MTFR1: variants seen among roughly 807,000 people sequenced by gnomAD.
MTFR1 encodes the protein chondrocyte protein with a poly-proline region.
In MTFR1, 28 loss-of-function variants were observed where a neutral mutation model predicts 38.8. The ratio of observed to expected loss-of-function variants is 0.72; its 90% CI spans 0.53 to 0.99. MTFR1 has a LOEUF of 0.99. Among genes scored for constraint, MTFR1 ranks in the 50% least tolerant of loss-of-function variants. MTFR1 has a pLI of 0.00. For synonymous variants in MTFR1, 145 were observed against 137.0 expected (o/e 1.06, Z -0.41); for missense variants, 358 against 395.5 (o/e 0.91, Z 0.81).
At chr8:65,659,078 A>G (rs1283926773) in intron 1 of MTFR1, among the ~76,000 whole-genome samples, 7 of 152,160 alleles carry the variant, frequency 4.6e-5, no homozygotes, top group Admixed American at 3.3e-4. Flanking sequence ...TTTATAGACA[A>G]ACAAGTACCA....
chr8:65,682,854 T>G (rs1312550512), intron 3 of MTFR1: 1 of 985,220 alleles, frequency 1.0e-6, no homozygotes, highest in Non-Finnish European at 1.2e-6. Flanking sequence ...TCTCTGTGGA[T>G]GCCATATAAG....
At chr8:65,729,675 T>C (rs1409800204) in intron 3 of MTFR1, among the ~76,000 whole-genome samples, 1 of 151,718 alleles carries the variant, frequency 6.6e-6, no homozygotes, top group East Asian at 1.9e-4. Context: ...TCGATTCTCT[T>C]ACTCAGGCTC....
chr8:65,685,894 A>G (rs551171270), intron 3 of MTFR1, among the ~76,000 whole-genome samples: 80 of 152,152 alleles, frequency 5.3e-4, no homozygotes, highest in Non-Finnish European at 9.6e-4. Flanking sequence ...AGCCTGCTCT[A>G]CAGGGTTGAG....
chr8:65,733,850 G>C (rs1031128861), intron 3 of MTFR1, among the ~76,000 whole-genome samples: 35 of 152,132 alleles, frequency 2.3e-4, no homozygotes, highest in African/African-American at 8.2e-4. Context: ...AAGCCAGTTT[G>C]GTCATCCTGT....
chr8:65,647,233 G>C (rs1808984875), intron 1 of MTFR1, among the ~76,000 whole-genome samples: 1 of 152,212 alleles, frequency 6.6e-6, no homozygotes. Context: ...CAAATTTATG[G>C]ATATGAGGAA....
intron 1 of MTFR1, among the ~76,000 whole-genome samples, chr8:65,662,832 C>G (rs1809480120): frequency 1.3e-5 from 2 of 151,348 alleles, no homozygotes; most frequent in African/African-American, 4.9e-5. Context: ...CCCCGCCCGG[C>G]CATCCACCTC....
intron 3 of MTFR1, among the ~76,000 whole-genome samples, chr8:65,683,098 A>C (rs914501966): frequency 7.9e-6 from 1 of 125,818 alleles, no homozygotes; most frequent in African/African-American, 3.0e-5. Context: ...AGATATTGCT[A>C]TTTTCCTTGA....
chr8:65,744,773 G>A (rs1006127759), intron 3 of MTFR1, among the ~76,000 whole-genome samples: 8 of 152,084 alleles, frequency 5.3e-5, no homozygotes, highest in African/African-American at 1.2e-4. Flanking sequence ...TAATAGCAGC[G>A]GCAATTGCCA....
At position 65,752,400 on chromosome 8, in the gene MTFR1, G is replaced by A. The variant is rs145755578; in HGVS notation, c.*49-18547G>A. Among the ~76,000 whole-genome samples, 259 of 152,156 alleles carry A rather than the reference G, an allele frequency of 1.7e-3. 1 individual carries two copies. The highest frequency in any genetic ancestry group is 5.4e-3 in the African/African-American group (226 of 41,540). On this transcript the variant is annotated intron_variant, in intron 3 of 3. Coordinates refer to the MTFR1 transcript ENST00000521247. ...TATATTTCACTCATAATATATTATT[G>A]AATGTTCAAATTTTTTTTCAGTAGT... is the stretch of plus-strand genomic sequence containing the variant.
chr8:65,708,610 A>G (rs1805854201), intron 7 of MTFR1, among the ~76,000 whole-genome samples: 2 of 152,180 alleles, frequency 1.3e-5, no homozygotes, highest in Non-Finnish European at 2.9e-5. Context: ...GTGCTAATCT[A>G]TTCCAGAGAG....
At chr8:65,767,247 A>C (rs1184487299) in intron 3 of MTFR1, among the ~76,000 whole-genome samples, 1 of 152,218 alleles carries the variant, frequency 6.6e-6, no homozygotes, top group African/African-American at 2.4e-5. Flanking sequence ...TTACGTAAAT[A>C]AATCATCAAT....
At chr8:65,652,883 T>G (rs1809159038) in intron 1 of MTFR1, among the ~76,000 whole-genome samples, 1 of 152,224 alleles carries the variant, frequency 6.6e-6, no homozygotes, top group African/African-American at 2.4e-5. Context: ...TAGCTAGGAC[T>G]TTTTACTATG....
At chr8:65,752,325 C>T (rs1808007811) in intron 3 of MTFR1, among the ~76,000 whole-genome samples, 1 of 152,176 alleles carries the variant, frequency 6.6e-6, no homozygotes, top group Non-Finnish European at 1.5e-5. Flanking sequence ...TGTGTTCATA[C>T]TCTAGTAGTA....
intron 3 of MTFR1, among the ~76,000 whole-genome samples, chr8:65,720,849 GCCACCC>G: frequency 6.6e-6 from 1 of 152,326 alleles, no homozygotes; most frequent in Admixed American, 6.5e-5. Context: ...TGTTGAGCCA[GCCACCC>G]AAAGCCCTGT....
intron 3 of MTFR1, among the ~76,000 whole-genome samples, chr8:65,770,028 A>G (rs1410195118): frequency 6.6e-6 from 1 of 152,224 alleles, no homozygotes; most frequent in Non-Finnish European, 1.5e-5. Flanking sequence ...ATTTCAAAAC[A>G]CATACAAAAA....
chr8:65,724,222 A>G (rs1457781214), intron 3 of MTFR1: 1 of 1,334,672 alleles, frequency 7.5e-7, no homozygotes. Flanking sequence ...AATGAACTGG[A>G]TAGATTAATT....
chr8:65,723,419 T>TAA (rs1806474224), intron 3 of MTFR1: 1 of 991,868 alleles, frequency 1.0e-6, no homozygotes, highest in Non-Finnish European at 1.3e-6. Context: ...TAAAATTTCT[T>TAA]AAATTATTTT....
At chr8:65,739,353 A>G in intron 3 of MTFR1, 2 of 879,516 alleles carry the variant, frequency 2.3e-6, no homozygotes, top group Non-Finnish European at 1.6e-6. Context: ...CACAGATGCA[A>G]GAGCTAAATA....
intron 3 of MTFR1, among the ~76,000 whole-genome samples, chr8:65,740,503 C>T (rs370496735): frequency 7.9e-5 from 12 of 152,054 alleles, no homozygotes; most frequent in East Asian, 3.9e-4. Flanking sequence ...TGAGTTCAAG[C>T]GATTCTCCTG....
Sources: allele counts gnomAD v4.1 joint callset (sites outside exome capture counted in the v4.1 genomes callset), GRCh38; gene constraint gnomAD v4.1.1; transcripts MANE v1.5; gene names NCBI Gene and HGNC (gene_info 2026-07-23, HGNC 2026-07-21).